The following R3HDM2 variants were observed in gnomAD, a reference collection of about 807,000 sequenced individuals.
R3HDM2 encodes the protein R3H domain containing 2, also known as R3H domain-containing protein 2.
In R3HDM2, 38 loss-of-function variants were observed where a neutral mutation model predicts 124.5. The observed-to-expected ratio is 0.31, with a 90% CI of 0.24 to 0.40. R3HDM2 has a LOEUF of 0.40. Ranked by LOEUF, R3HDM2 falls within the 10% of genes least tolerant of loss-of-function variation. R3HDM2 has a pLI of 1.00. For synonymous variants in R3HDM2, 391 were observed against 448.0 expected, an observed-to-expected ratio of 0.87 and a Z score of 1.61; for missense variants, 869 against 1,236.9, an observed-to-expected ratio of 0.70 and a Z score of 4.46.
intron 2 of R3HDM2, among the ~76,000 whole-genome samples, chr12:57,345,536 CACACACACAT>C (rs771646383): frequency 7.0e-5 from 8 of 113,842 alleles, no homozygotes; most frequent in South Asian, 3.0e-4. Flanking sequence ...CACACACACA[CACACACACAT>C]ATATTAAGAG....
chr12:57,280,620 CT>C, intron 13 of R3HDM2, 90 bp from the exon 14 acceptor site: 2 of 1,219,214 alleles, frequency 1.6e-6, no homozygotes, highest in Non-Finnish European at 2.2e-6. Flanking sequence ...TCTACTTTTT[CT>C]TTGCCTTTCC....
intron 4 of R3HDM2, among the ~76,000 whole-genome samples, chr12:57,301,135 T>A (rs1359008400): frequency 6.6e-6 from 1 of 150,884 alleles, no homozygotes; most frequent in African/African-American, 2.4e-5. Context: ...TAAAAAAAAA[T>A]AAAAAAAAGA....
At chr12:57,329,643 T>C (rs542666922) in intron 2 of R3HDM2, among the ~76,000 whole-genome samples, 41 of 152,216 alleles carry the variant, frequency 2.7e-4, no homozygotes, top group African/African-American at 8.4e-4. Flanking sequence ...CCACGTCAAA[T>C]TGACATCATA....
rs200792116 is a variant in R3HDM2, at chr12:57,395,835, A to G, written c.-105-17T>C. The G allele has an allele frequency of 1.9e-5, 13 of 695,920 alleles. No individual in the cohort carries two copies. Among genetic ancestry groups the G allele is most frequent in the South Asian group, 6.4e-5 (1 of 15,540 alleles). The allele number at this position is 695,920 out of a possible 1,614,324, so 43.1% of individuals were successfully genotyped here. ...GTCTAACCTCTGGGGGAGGAGGGGG[A>G]AAAAAAAAAACAAGTTAAAAGCAAT... On this transcript the variant is annotated splice_polypyrimidine_tract_variant and intron_variant, in intron 1 of 23. Coordinates refer to ENST00000402412, the MANE Select transcript of R3HDM2 (RefSeq NM_001394031.1).
intron 2 of R3HDM2, among the ~76,000 whole-genome samples, chr12:57,339,258 A>G (rs201721110): frequency 1.3e-5 from 2 of 152,042 alleles, no homozygotes; most frequent in East Asian, 1.9e-4. Context: ...CAGCCTCCCA[A>G]GGTGCTGGGA....
intron 2 of R3HDM2, among the ~76,000 whole-genome samples, chr12:57,313,233 T>G (rs193008962): frequency 2.4e-4 from 36 of 152,218 alleles, no homozygotes; most frequent in Non-Finnish European, 4.7e-4. Context: ...ACATGCATTC[T>G]CCGTATCTCT....
chr12:57,411,462 T>C (rs1190961266), intron 1 of R3HDM2, among the ~76,000 whole-genome samples: 1 of 152,186 alleles, frequency 6.6e-6, no homozygotes, highest in Non-Finnish European at 1.5e-5. Context: ...TGGCCTAATA[T>C]GCAGAATTGT....
At chr12:57,256,951 G>T (rs925886751) in intron 21 of R3HDM2, among the ~76,000 whole-genome samples, 1 of 152,030 alleles carries the variant, frequency 6.6e-6, no homozygotes, top group African/African-American at 2.4e-5. Flanking sequence ...GAGTAGCTGG[G>T]ATTACAAGCA....
At chr12:57,334,355 A>T (rs1177220969) in intron 2 of R3HDM2, among the ~76,000 whole-genome samples, 1 of 152,250 alleles carries the variant, frequency 6.6e-6, no homozygotes, top group Non-Finnish European at 1.5e-5. Flanking sequence ...TAAATTCTGC[A>T]AAGTTAAATG....
At chr12:57,386,311 C>T (rs2065759184) in intron 2 of R3HDM2, among the ~76,000 whole-genome samples, 1 of 152,160 alleles carries the variant, frequency 6.6e-6, no homozygotes, top group Non-Finnish European at 1.5e-5. Context: ...GAGGTGTGGA[C>T]GGAGAGGCAC....
At chr12:57,359,249 T>C (rs1038918328) in intron 2 of R3HDM2, among the ~76,000 whole-genome samples, 1 of 152,064 alleles carries the variant, frequency 6.6e-6, no homozygotes, top group African/African-American at 2.4e-5. Flanking sequence ...TTTGTAGAGA[T>C]GGTGTTTCGC....
chr12:57,386,418 C>T (rs2065795303), intron 2 of R3HDM2, among the ~76,000 whole-genome samples: 1 of 152,254 alleles, frequency 6.6e-6, no homozygotes, highest in Non-Finnish European at 1.5e-5. Flanking sequence ...GGCCAGCCGG[C>T]CCCGCCCACC....
At chr12:57,385,817 G>A (rs1456468178) in intron 2 of R3HDM2, among the ~76,000 whole-genome samples, 1 of 152,120 alleles carries the variant, frequency 6.6e-6, no homozygotes, top group Non-Finnish European at 1.5e-5. Context: ...GGAACCCCTG[G>A]GAATCCCCAA....
chr12:57,303,839 T>C (rs1273925878), intron 3 of R3HDM2, among the ~76,000 whole-genome samples: 1 of 152,046 alleles, frequency 6.6e-6, no homozygotes, highest in Non-Finnish European at 1.5e-5. Context: ...AAGACACTGA[T>C]TTTGTTGGCC....
At chr12:57,295,542 G>T (rs2049595426) in intron 9 of R3HDM2, 35 bp from the exon 10 acceptor site, 2 of 1,458,156 alleles carry the variant, frequency 1.4e-6, no homozygotes, top group African/African-American at 2.8e-5. Flanking sequence ...AGGAAAGGAG[G>T]ACAAAGACCG....
At chr12:57,428,776 T>C (rs924524096) in intron 1 of R3HDM2, among the ~76,000 whole-genome samples, 5 of 151,466 alleles carry the variant, frequency 3.3e-5, no homozygotes, top group African/African-American at 4.9e-5. Context: ...AGACAGTCTC[T>C]CGCTCTGTTG....
intron 1 of R3HDM2, among the ~76,000 whole-genome samples, chr12:57,410,956 T>G (rs1002798436): frequency 2.0e-5 from 3 of 152,210 alleles, no homozygotes; most frequent in South Asian, 4.1e-4. Flanking sequence ...ATGGTTCTAA[T>G]TTGGCCAAGT....
At chr12:57,286,805 G>A (rs976439478) in intron 12 of R3HDM2, among the ~76,000 whole-genome samples, 5 of 152,146 alleles carry the variant, frequency 3.3e-5, no homozygotes, top group Non-Finnish European at 7.4e-5. Context: ...TTGAACCTGG[G>A]AGGCGGAGGT....
intron 1 of R3HDM2, among the ~76,000 whole-genome samples, chr12:57,408,697 T>G (rs1041339165): frequency 2.0e-5 from 3 of 152,106 alleles, no homozygotes; most frequent in Non-Finnish European, 2.9e-5. Context: ...TACGAAATTT[T>G]CCATAGTAAA....
Sources: gnomAD v4.1 joint callset for allele counts (sites outside exome capture counted in the v4.1 genomes callset) on GRCh38, gnomAD v4.1.1 for gene constraint, MANE v1.5 for transcripts, NCBI Gene and HGNC (gene_info 2026-07-23, HGNC 2026-07-21) for gene names.